The following KLHL18 variants were observed in gnomAD, a reference collection of about 807,000 sequenced individuals.
The protein encoded by KLHL18 is kelch-like protein 18.
Under a neutral mutation model 58.5 loss-of-function variants are expected in KLHL18, and 38 were observed. The observed-to-expected ratio is 0.65, with a 90% CI of 0.50 to 0.85. KLHL18 has a LOEUF of 0.85. Ranked by LOEUF, KLHL18 falls within the 40% of genes least tolerant of loss-of-function variation. The probability of loss-of-function intolerance (pLI) is 0.00; values close to 1 mark genes in which losing one functional copy is unlikely to be tolerated. For synonymous variants in KLHL18, 303 were observed against 301.9 expected, an observed-to-expected ratio of 1.00 and a Z score of -0.04; for missense variants, 624 against 778.4, an observed-to-expected ratio of 0.80 and a Z score of 2.36.
At chr3:47,306,232 G>A (rs1425972356) in intron 1 of KLHL18, among the ~76,000 whole-genome samples, 1 of 151,962 alleles carries the variant, frequency 6.6e-6, no homozygotes, top group African/African-American at 2.4e-5. Flanking sequence ...TTCATTCAAT[G>A]TATTTTTAAA....
rs557995668 is a variant in KLHL18 at position 47,346,295 on chromosome 3, G to C, written c.*2354G>C. 6.6e-6 allele frequency: 1 copy of C among 152,582 alleles called. No homozygotes were observed. Among genetic ancestry groups the C allele is most frequent in the South Asian group, 2.1e-4 (1 of 4,824 alleles). The allele number at this position is 152,582 out of a possible 1,614,324, so 9.5% of individuals were successfully genotyped here. A position where few individuals can be genotyped will look rare whatever the true frequency, so the allele number is the denominator to read the frequency against. ...TAGAATTTACACTGCTGCACCTGAG[G>C]TCGATGTTTCAAAGTAAGATCAAGC... On this transcript the variant is annotated 3_prime_UTR_variant, in exon 10 of 10. Transcript: ENST00000232766.
chr3:47,343,137 T>A (rs1305512921), intron 9 of KLHL18, among the ~76,000 whole-genome samples: 2 of 152,222 alleles, frequency 1.3e-5, no homozygotes, highest in African/African-American at 2.4e-5. Context: ...AAGTGTAAAT[T>A]TGCAAACAGT....
intron 4 of KLHL18, among the ~76,000 whole-genome samples, chr3:47,331,670 T>C (rs1289937830): frequency 6.6e-6 from 1 of 151,764 alleles, no homozygotes; most frequent in African/African-American, 2.4e-5. Context: ...TGACCTCAGA[T>C]GATCTGCCCA....
At chr3:47,307,568 A>G (rs1466823461) in intron 1 of KLHL18, among the ~76,000 whole-genome samples, 1 of 151,826 alleles carries the variant, frequency 6.6e-6, no homozygotes, top group Admixed American at 6.6e-5. Context: ...TTTTATAAAA[A>G]AAATAGAGAC....
chr3:47,301,424 C>CT (rs551540207), intron 1 of KLHL18, among the ~76,000 whole-genome samples: 8 of 151,098 alleles, frequency 5.3e-5, no homozygotes, highest in South Asian at 2.1e-4. Context: ...GGTTGAAGTT[C>CT]TTTTTTTTTG....
chr3:47,338,672 AT>A (rs1207515131), intron 7 of KLHL18: 1 of 152,154 alleles, frequency 6.6e-6, no homozygotes, highest in Non-Finnish European at 1.5e-5. Flanking sequence ...AAATACAAAA[AT>A]TAGCCAGGCA....
chr3:47,328,547 A>G (rs556870991), intron 3 of KLHL18, among the ~76,000 whole-genome samples: 39 of 152,262 alleles, frequency 2.6e-4, no homozygotes, highest in Non-Finnish European at 5.1e-4. Flanking sequence ...CATCAGGGCC[A>G]GGATTTATCC....
chr3:47,316,250 A>G (rs1167091612), intron 1 of KLHL18, among the ~76,000 whole-genome samples: 1 of 152,036 alleles, frequency 6.6e-6, no homozygotes, highest in Non-Finnish European at 1.5e-5. Context: ...ACAAGAATAC[A>G]GAGAAAATCC....
chr3:47,320,750 T>TA (rs565219429), intron 2 of KLHL18, among the ~76,000 whole-genome samples: 15 of 151,530 alleles, frequency 9.9e-5, no homozygotes, highest in South Asian at 8.4e-4. Context: ...CACATCTTTA[T>TA]AAAAAAAAAT....
At chr3:47,284,855 G>A (rs1702639693) in intron 1 of KLHL18, among the ~76,000 whole-genome samples, 1 of 151,964 alleles carries the variant, frequency 6.6e-6, no homozygotes, top group Non-Finnish European at 1.5e-5. Context: ...GTCTCGCTGT[G>A]TGGCACAGGC....
chr3:47,341,798 C>T (rs1416238095), intron 8 of KLHL18, among the ~76,000 whole-genome samples: 1 of 151,506 alleles, frequency 6.6e-6, no homozygotes, highest in African/African-American at 2.4e-5. Flanking sequence ...TGGCTCACGC[C>T]TGTAATCCTA....
intron 2 of KLHL18, among the ~76,000 whole-genome samples, chr3:47,320,367 G>A (rs1445909766): frequency 6.6e-6 from 1 of 152,014 alleles, no homozygotes; most frequent in African/African-American, 2.4e-5. Flanking sequence ...GTCACATGTG[G>A]CTAATGGCTA....
chr3:47,336,995 T>C (rs1053577477), intron 7 of KLHL18: 9 of 505,514 alleles, frequency 1.8e-5, no homozygotes, highest in Non-Finnish European at 3.2e-5. Flanking sequence ...GTGGAAGTTG[T>C]GTTGTTATTT....
chr3:47,297,588 A>G (rs1702923276), intron 1 of KLHL18: 3 of 456,526 alleles, frequency 6.6e-6, no homozygotes, highest in South Asian at 4.6e-5. Flanking sequence ...ATGAGATGAG[A>G]AGGTCATGCT....
At chr3:47,310,811 T>G (rs1262741068) in intron 1 of KLHL18, among the ~76,000 whole-genome samples, 7 of 152,198 alleles carry the variant, frequency 4.6e-5, no homozygotes, top group Non-Finnish European at 8.8e-5. Flanking sequence ...GGTCAGCATC[T>G]TTCCTGAGTC....
At chr3:47,295,434 G>A (rs185710879) in intron 1 of KLHL18, among the ~76,000 whole-genome samples, 3 of 152,294 alleles carry the variant, frequency 2.0e-5, no homozygotes, top group Non-Finnish European at 2.9e-5. Flanking sequence ...TTGCTCTAGT[G>A]TTCCTTTGGC....
At chr3:47,284,936 A>G (rs1005431904) in intron 1 of KLHL18, among the ~76,000 whole-genome samples, 1 of 152,050 alleles carries the variant, frequency 6.6e-6, no homozygotes, top group African/African-American at 2.4e-5. Flanking sequence ...CTCCTGCCTT[A>G]GCCTCCCAAG....
At chr3:47,343,251 G>C (rs1364329810) in intron 9 of KLHL18, among the ~76,000 whole-genome samples, 1 of 152,224 alleles carries the variant, frequency 6.6e-6, no homozygotes, top group Non-Finnish European at 1.5e-5. Flanking sequence ...GCAGTGGAGA[G>C]CCCTGGAGAT....
chr3:47,343,683 C>T lies in KLHL18; in HGVS notation c.1467C>T (p.Gly489=). 1.9e-6 allele frequency: 3 copies of T among 1,614,116 alleles called. No individual in the cohort carries two copies. Among genetic ancestry groups the T allele is most frequent in the African/African-American group, 1.3e-5 (1 of 75,062 alleles). The part of the protein sequence containing the change: ...MFVCGGYDGS[G]FLSIAEMYSS... Reference sequence around the variant, plus strand: ...TCTGCGGGGGCTACGATGGCTCTGGCTTCCTCAGCATTGCCGAGATGTACA... The same window carrying T: ...TCTGCGGGGGCTACGATGGCTCTGGTTTCCTCAGCATTGCCGAGATGTACA... The change falls in exon 10 of 10, where the codon GGC becomes GGT. Residue 489 remains glycine (G), a synonymous_variant. Transcript: ENST00000232766.
Sources: allele counts gnomAD v4.1 joint callset (sites outside exome capture counted in the v4.1 genomes callset), GRCh38; gene constraint gnomAD v4.1.1; transcripts MANE v1.5; gene names NCBI Gene and HGNC (gene_info 2026-07-23, HGNC 2026-07-21).